Variants in TNFSF4 observed in about 807,000 individuals in gnomAD.
TNFSF4 encodes the protein TNF superfamily member 4, also known as tumor necrosis factor ligand superfamily member 4.
A neutral mutation model predicts 7.3 loss-of-function variants in TNFSF4; 4 were observed. That is an observed-to-expected ratio of 0.55 (90% CI 0.27 to 1.25). The LOEUF is 1.25. TNFSF4 is among the 50% of genes most tolerant of loss of function. The pLI is 0.12. For synonymous variants in TNFSF4, 76 were observed against 83.7 expected, an observed-to-expected ratio of 0.91 and a Z score of 0.50; for missense variants, 181 against 208.8, an observed-to-expected ratio of 0.87 and a Z score of 0.82.
the TNFSF4 span, among the ~76,000 whole-genome samples, chr1:173,255,485 G>C: frequency 1.3e-5 from 2 of 152,110 alleles, no homozygotes; most frequent in African/African-American, 4.8e-5. Flanking sequence ...GATTGTATTG[G>C]CTATTTGGTA....
chr1:173,199,939 C>T (rs1649871899), intron 1 of TNFSF4, among the ~76,000 whole-genome samples: 1 of 152,162 alleles, frequency 6.6e-6, no homozygotes, highest in Admixed American at 6.5e-5. Context: ...ACAAATATAT[C>T]ATACATACAA....
the TNFSF4 span, among the ~76,000 whole-genome samples, chr1:173,325,673 A>G: frequency 1.3e-5 from 2 of 152,188 alleles, no homozygotes; most frequent in Non-Finnish European, 2.9e-5. Flanking sequence ...ATAAAAAATG[A>G]CAAAGGGGAT....
chr1:173,402,012 G>A, the TNFSF4 span, among the ~76,000 whole-genome samples: 1 of 152,290 alleles, frequency 6.6e-6, no homozygotes, highest in Admixed American at 6.5e-5. Flanking sequence ...ATTTGCACTT[G>A]TGTTGTTAAT....
At chr1:173,312,394 GAATTTCCTGTCCTCTCCTCTTTTTTT>G in the TNFSF4 span, among the ~76,000 whole-genome samples, 14 of 152,026 alleles carry the variant, frequency 9.2e-5, no homozygotes, top group African/African-American at 3.1e-4. Context: ...GTGTTTGAGT[GAATTTCCTGTCCTCTCCTCTTTTTTT>G]AATTTCTTGT....
chr1:173,173,657 G>A, the TNFSF4 span, among the ~76,000 whole-genome samples: 1 of 152,336 alleles, frequency 6.6e-6, no homozygotes, highest in East Asian at 1.9e-4. Flanking sequence ...AACACCATAT[G>A]TAAGCTGCCA....
intron 1 of TNFSF4, among the ~76,000 whole-genome samples, chr1:173,195,136 C>T (rs1472738600): frequency 6.6e-6 from 1 of 152,174 alleles, no homozygotes; most frequent in African/African-American, 2.4e-5. Flanking sequence ...CTTTATCCTA[C>T]ACTATCATAA....
chr1:173,206,230 G>A (rs991088841), intron 1 of TNFSF4, among the ~76,000 whole-genome samples: 14 of 152,030 alleles, frequency 9.2e-5, no homozygotes, highest in African/African-American at 3.4e-4. Flanking sequence ...GGCATCTTCT[G>A]CAGTGAAGAA....
chr1:173,353,613 C>CTGAAAAATGTGTAT, the TNFSF4 span, among the ~76,000 whole-genome samples: 1 of 152,114 alleles, frequency 6.6e-6, no homozygotes, highest in African/African-American at 2.4e-5. Flanking sequence ...TGTGTGGTTA[C>CTGAAAAATGTGTAT]TGAAAAATGT....
chr1:173,421,737 A>G, the TNFSF4 span, among the ~76,000 whole-genome samples: 1 of 152,062 alleles, frequency 6.6e-6, no homozygotes, highest in African/African-American at 2.4e-5. Flanking sequence ...TTTTGTAACT[A>G]TTTCAAGGCT....
chr1:173,308,339 G>T, the TNFSF4 span, among the ~76,000 whole-genome samples: 1 of 146,250 alleles, frequency 6.8e-6, no homozygotes, highest in South Asian at 2.2e-4. Context: ...GTTTTATTGA[G>T]ACCTTTTCCC....
the TNFSF4 span, among the ~76,000 whole-genome samples, chr1:173,324,839 T>C: frequency 6.6e-6 from 1 of 152,140 alleles, no homozygotes; most frequent in Non-Finnish European, 1.5e-5. Flanking sequence ...ATACACCCAA[T>C]ACAGGAGCAC....
intron 1 of TNFSF4, among the ~76,000 whole-genome samples, chr1:173,193,399 C>T (rs1008297989): frequency 1.3e-5 from 2 of 151,702 alleles, no homozygotes; most frequent in Non-Finnish European, 2.9e-5. Flanking sequence ...GAAGTATAGC[C>T]GTGAATTTTG....
At chr1:173,178,646 T>A in the TNFSF4 span, among the ~76,000 whole-genome samples, 1 of 152,224 alleles carries the variant, frequency 6.6e-6, no homozygotes, top group Non-Finnish European at 1.5e-5. Context: ...TCTTGGCTTC[T>A]ATTTTCTTTT....
the TNFSF4 span, among the ~76,000 whole-genome samples, chr1:173,350,759 G>C: frequency 6.6e-6 from 1 of 152,168 alleles, no homozygotes; most frequent in Non-Finnish European, 1.5e-5. Context: ...AAGAATGCTG[G>C]AGGGTCTCAC....
At chr1:173,235,484 A>T in the TNFSF4 span, among the ~76,000 whole-genome samples, 1 of 152,150 alleles carries the variant, frequency 6.6e-6, no homozygotes, top group Non-Finnish European at 1.5e-5. Context: ...CTCCATATTG[A>T]TTTATTTCCC....
chr1:173,310,983 T>C, the TNFSF4 span, among the ~76,000 whole-genome samples: 1 of 151,966 alleles, frequency 6.6e-6, no homozygotes, highest in Non-Finnish European at 1.5e-5. Context: ...TTTAATCTTT[T>C]CACAGCCTCA....
At chr1:173,412,782 G>A in the TNFSF4 span, among the ~76,000 whole-genome samples, 563 of 152,308 alleles carry the variant, frequency 3.7e-3, 5 homozygotes, top group Non-Finnish European at 3.6e-3. Flanking sequence ...GGACTACAAG[G>A]GGAGGTGCTG....
At chr1:173,324,050 C>A in the TNFSF4 span, among the ~76,000 whole-genome samples, 1 of 152,232 alleles carries the variant, frequency 6.6e-6, no homozygotes, top group East Asian at 1.9e-4. Context: ...AACTCCAAGA[C>A]ACATAATTGT....
chr1:173,426,932 G>C, the TNFSF4 span, among the ~76,000 whole-genome samples: 2 of 152,120 alleles, frequency 1.3e-5, no homozygotes, highest in Non-Finnish European at 2.9e-5. Context: ...GACAGTCAGA[G>C]AGAGAGAGAG....
Sources: gnomAD v4.1 joint callset for allele counts (sites outside exome capture counted in the v4.1 genomes callset) on GRCh38, gnomAD v4.1.1 for gene constraint, MANE v1.5 for transcripts, NCBI Gene and HGNC (gene_info 2026-07-23, HGNC 2026-07-21) for gene names.